Variants in POFUT2 observed in about 807,000 individuals in gnomAD.
The protein encoded by POFUT2 is protein O-fucosyltransferase 2.
A neutral mutation model predicts 55.0 loss-of-function variants in POFUT2; 30 were observed. That is an observed-to-expected ratio of 0.55 (90% CI 0.41 to 0.74). The LOEUF is 0.74. Ranked by LOEUF, POFUT2 falls within the 30% of genes least tolerant of loss-of-function variation. The probability of loss-of-function intolerance (pLI) is 0.00; values close to 1 mark genes in which losing one functional copy is unlikely to be tolerated. For missense variants in POFUT2, 524 were observed against 562.6 expected (o/e 0.93, Z 0.69); for synonymous variants, 267 against 231.1 (o/e 1.16, Z -1.41).
rs976439306 is a variant in POFUT2, at chr21:45,265,935, C to T, written c.1137-300G>A. Reference sequence around the variant, plus strand: ...ATGTCCCCCTGGGAGCCCTCCTCTCCGTCACCAAATCCCAGGCCAGGCACG... The same window carrying T: ...ATGTCCCCCTGGGAGCCCTCCTCTCTGTCACCAAATCCCAGGCCAGGCACG... On this transcript the variant is annotated intron_variant, in intron 8 of 8. Coordinates refer to ENST00000349485, the MANE Select transcript of POFUT2 (RefSeq NM_133635.6). The surrounding 1 kb of genome is among the most constrained non-coding windows in gnomAD (Gnocchi z 4.6). The T allele has an allele frequency of 3.0e-5, 38 of 1,273,904 alleles. No homozygotes were observed. Among genetic ancestry groups the T allele is most frequent in the African/African-American group, 4.6e-5 (3 of 65,716 alleles). The allele number at this position is 1,273,904 out of a possible 1,614,324, so 78.9% of individuals were successfully genotyped here.
intron 4 of POFUT2, among the ~76,000 whole-genome samples, chr21:45,279,268 A>G (rs1293746174): frequency 6.6e-6 from 1 of 152,002 alleles, no homozygotes; most frequent in Non-Finnish European, 1.5e-5. Context: ...GGTGCATGCC[A>G]CAAGTAGCCC....
intron 6 of POFUT2, among the ~76,000 whole-genome samples, chr21:45,275,592 A>ATT (rs1216886715): frequency 2.6e-5 from 4 of 152,244 alleles, no homozygotes; most frequent in African/African-American, 4.8e-5. Context: ...AAATGAATGC[A>ATT]TTTGCAGCAA....
rs1008748845 is a variant in POFUT2, at chr21:45,264,338, G to T, written c.*1144C>A. ...CTGAGGGTCACACGACACCATGGTG[G>T]AAAGTCACAAAGGGTAACGGGCCAA... On this transcript the variant is annotated 3_prime_UTR_variant, in exon 9 of 9. Coordinates refer to ENST00000349485, the MANE Select transcript of POFUT2 (RefSeq NM_133635.6). 2.0e-5 allele frequency: 3 copies of T among 152,316 alleles called. No individual in the cohort carries two copies. The highest frequency in any genetic ancestry group is 2.9e-5 in the Non-Finnish European group (2 of 68,112). 9.4% of individuals were successfully genotyped at this position (152,316 alleles called of 1,614,324 possible).
intron 7 of POFUT2, among the ~76,000 whole-genome samples, chr21:45,269,531 G>A (rs1228596969): frequency 2.0e-5 from 3 of 152,086 alleles, no homozygotes; most frequent in South Asian, 4.1e-4. Flanking sequence ...GTCCACTCAG[G>A]GTTAAATGGA....
Position 45,287,765 on chromosome 21 carries a change from A to G in POFUT2, c.107T>C (p.Leu36Pro). 1 of 1,471,870 alleles carries G rather than the reference A, an allele frequency of 6.8e-7. No individual in the cohort carries two copies. The highest frequency in any genetic ancestry group is 9.1e-7 in the Non-Finnish European group (1 of 1,103,138). 91.2% of individuals were successfully genotyped at this position (1,471,870 alleles called of 1,614,324 possible). ...CCGTCTGCGGGAAGCCGCCCCCGACAGAATATCGGCCGCCGATTGTCCGGG... is the reference window on the plus strand; with the variant it reads ...CCGTCTGCGGGAAGCCGCCCCCGACGGAATATCGGCCGCCGATTGTCCGGG... The part of the protein sequence containing the change: ...FWPGQSAADI[L>P]SGAASRRRYL... Residue 36 changes from leucine to proline, a missense_variant, in exon 1 of 9, where the codon CTG becomes CCG. Physicochemically the swap from Leu to Pro is moderately conservative, Grantham distance 98. Around this residue, in one of 2 missense-constraint regions of POFUT2, gnomAD observed 274 missense variants for 244.4 expected, o/e 1.12. Coordinates refer to ENST00000349485, the MANE Select transcript of POFUT2 (RefSeq NM_133635.6).
At position 45,267,744 on chromosome 21, in the gene POFUT2, C is replaced by A. The variant is rs188401700; in HGVS notation, c.1013-31G>T. On this transcript the variant is annotated intron_variant, in intron 7 of 8. Coordinates refer to ENST00000349485, the MANE Select transcript of POFUT2 (RefSeq NM_133635.6). The surrounding 1 kb of genome is among the most constrained non-coding windows in gnomAD (Gnocchi z 4.4). ...AAGTAGAAGGAGAGACCCTTTGAACCGGGATCCTCCAGTAAGGACAGATAC... is the reference window on the plus strand; with the variant it reads ...AAGTAGAAGGAGAGACCCTTTGAACAGGGATCCTCCAGTAAGGACAGATAC... 8.1e-6 allele frequency: 13 copies of A among 1,596,526 alleles called. No homozygotes were observed. The African/African-American group carries it at 1.7e-4, about 21-fold the overall frequency.
rs771552257 is a variant in POFUT2, at chr21:45,267,550, AC to A, written c.1136+39del. 6.2e-7 allele frequency: 1 copy of A among 1,614,046 alleles called. No homozygotes were observed. The highest frequency in any genetic ancestry group is 1.1e-5 in the South Asian group (1 of 91,082). On this transcript the variant is annotated intron_variant, in intron 8 of 8. Transcript: ENST00000349485. The surrounding 1 kb of genome is among the most constrained non-coding windows in gnomAD (Gnocchi z 4.4). ...TGGGACAGAAGAACCTTTGAAAGCC[AC>A]CCGACCCGCTCTCGGCCGACAGTGA...
At chr21:45,268,635 G>T (rs1227136662) in intron 7 of POFUT2, among the ~76,000 whole-genome samples, 1 of 146,446 alleles carries the variant, frequency 6.8e-6, no homozygotes, top group Non-Finnish European at 1.5e-5. Context: ...CTGCCCCGCC[G>T]CCCCATCTGG....
In POFUT2 at chr21:45,282,960, T is replaced by C. The variant is rs1307053600; in HGVS notation, c.527+423A>G. ...ATCCCTGTGGCAACATCCAAATGCA[T>C]GAAAAGACACAGGGAAAGAGGCACG... On this transcript the variant is annotated intron_variant, in intron 3 of 8. Coordinates refer to ENST00000349485, the MANE Select transcript of POFUT2 (RefSeq NM_133635.6). This position sits in a 1 kb window ranked among gnomAD's most constrained non-coding sequence, Gnocchi z 4.6. 3 of 471,470 alleles carry C rather than the reference T, an allele frequency of 6.4e-6. No homozygotes were observed. The highest frequency in any genetic ancestry group is 6.9e-5 in the East Asian group (1 of 14,412). 29.2% of individuals were successfully genotyped at this position (471,470 alleles called of 1,614,324 possible).
In POFUT2 at chr21:45,285,389, T is replaced by G. The variant is rs1310325859; in HGVS notation, c.382+289A>C. On this transcript the variant is annotated intron_variant, in intron 2 of 8. Coordinates refer to ENST00000349485, the MANE Select transcript of POFUT2 (RefSeq NM_133635.6). The surrounding 1 kb of genome is among the most constrained non-coding windows in gnomAD (Gnocchi z 4.9). ...GTCCTGTCACTATAACACCCAGGGG[T>G]GGCCGCTTTCTTAGGGTGTAAGGGC... is the stretch of plus-strand genomic sequence containing the variant. 2 of 425,060 alleles carry G rather than the reference T, an allele frequency of 4.7e-6. No individual in the cohort carries two copies. Among genetic ancestry groups the G allele is most frequent in the South Asian group, 4.1e-5 (2 of 48,388 alleles). 26.3% of individuals were successfully genotyped at this position (425,060 alleles called of 1,614,324 possible).
Position 45,267,394 on chromosome 21 carries a change from C to G in POFUT2, c.1136+196G>C, listed in dbSNP as rs1038649323. Reference sequence around the variant, plus strand: ...ATTCTGTGCATGAGAACTAAAGGGGCAAGATGAACAATTAACTTCAGCCCA... The same window carrying G: ...ATTCTGTGCATGAGAACTAAAGGGGGAAGATGAACAATTAACTTCAGCCCA... On this transcript the variant is annotated intron_variant, in intron 8 of 8. Coordinates refer to ENST00000349485, the MANE Select transcript of POFUT2 (RefSeq NM_133635.6). The surrounding 1 kb of genome is among the most constrained non-coding windows in gnomAD (Gnocchi z 4.4). 1 of 1,600,778 alleles carries G rather than the reference C, an allele frequency of 6.2e-7. No homozygotes were observed. The highest frequency in any genetic ancestry group is 8.5e-7 in the Non-Finnish European group (1 of 1,172,086).
intron 4 of POFUT2, among the ~76,000 whole-genome samples, chr21:45,279,207 C>A (rs527659794): frequency 6.6e-6 from 1 of 151,426 alleles, no homozygotes; most frequent in African/African-American, 2.4e-5. Context: ...CTGGCTAAGA[C>A]GGTGAAACCC....
At position 45,269,756 on chromosome 21, in the gene POFUT2, G is replaced by A. The variant is rs531014094; in HGVS notation, c.1012+83C>T. On this transcript the variant is annotated intron_variant, in intron 7 of 8. Transcript: ENST00000349485. ...GTTCCATGACCCTGCCAAAATCCCCGTCTGTGAGAAACACCCAAGAATTAT... is the reference window on the plus strand; with the variant it reads ...GTTCCATGACCCTGCCAAAATCCCCATCTGTGAGAAACACCCAAGAATTAT... The A allele has an allele frequency of 7.5e-5, 100 of 1,329,162 alleles. No homozygotes were observed. In the Middle Eastern group the frequency reaches 9.7e-4, roughly 13 times the overall value. 82.3% of individuals were successfully genotyped at this position (1,329,162 alleles called of 1,614,324 possible).
In POFUT2 at chr21:45,277,181, C is replaced by CCCGCCA; in HGVS notation, c.706-45_706-40dup. On this transcript the variant is annotated intron_variant, in intron 5 of 8. Coordinates refer to ENST00000349485, the MANE Select transcript of POFUT2 (RefSeq NM_133635.6). This position sits in a 1 kb window ranked among gnomAD's most constrained non-coding sequence, Gnocchi z 6.9. ...GACGGCTCGGCTGAGAACACGCCCG[C>CCCGCCA]CCGCCACGCAGCCCTCCCGGAGCGG... 6.2e-7 allele frequency: 1 copy of CCCGCCA among 1,600,212 alleles called. No homozygotes were observed.
intron 6 of POFUT2, among the ~76,000 whole-genome samples, chr21:45,276,224 TAAA>T (rs1367325345): frequency 7.1e-6 from 1 of 141,162 alleles, no homozygotes; most frequent in Non-Finnish European, 1.5e-5. Flanking sequence ...TAAATAAAAT[TAAA>T]AATAAAATTA....
intron 2 of POFUT2, among the ~76,000 whole-genome samples, chr21:45,283,773 T>A (rs1266912152): frequency 6.6e-6 from 1 of 152,104 alleles, no homozygotes; most frequent in Non-Finnish European, 1.5e-5. Context: ...GCCCTACCCC[T>A]GCCTGGCTGC....
intron 1 of POFUT2, 140 bp from the exon 2 acceptor site, chr21:45,286,068 C>G: frequency 1.4e-6 from 1 of 697,698 alleles, no homozygotes; most frequent in Non-Finnish European, 2.4e-6. Flanking sequence ...AGTGAGTGGC[C>G]TGTTTCTCTA....
intron 6 of POFUT2, among the ~76,000 whole-genome samples, chr21:45,276,500 C>CA (rs2093265499): frequency 6.6e-6 from 1 of 152,190 alleles, no homozygotes; most frequent in South Asian, 2.1e-4. Flanking sequence ...AAAAGCAACA[C>CA]ATTTGTTGAA....
intron 4 of POFUT2, among the ~76,000 whole-genome samples, chr21:45,279,121 G>T (rs1312527420): frequency 6.6e-6 from 1 of 152,258 alleles, no homozygotes; most frequent in Non-Finnish European, 1.5e-5. Context: ...GCCAGGCGCA[G>T]TGGCTCACGC....
Sources: gnomAD v4.1 joint callset for allele counts (sites outside exome capture counted in the v4.1 genomes callset) on GRCh38, gnomAD v4.1.1 for gene constraint, gnomAD v4.1.1 regional missense constraint, Gnocchi (gnomAD v3.1) non-coding constraint, MANE v1.5 for transcripts, NCBI Gene and HGNC (gene_info 2026-07-23, HGNC 2026-07-21) for gene names.